HTR2C: variants seen among roughly 807,000 people sequenced by gnomAD.
HTR2C encodes the protein 5-hydroxytryptamine receptor 2C.
A neutral mutation model predicts 21.0 loss-of-function variants in HTR2C; 5 were observed. The observed-to-expected ratio is 0.24, with a 90% CI of 0.12 to 0.50. HTR2C has a LOEUF of 0.50. HTR2C is among the 20% of genes least tolerant of loss of function. HTR2C has a pLI of 0.98. For synonymous variants in HTR2C, 150 were observed against 145.3 expected (o/e 1.03, Z -0.23); for missense variants, 271 against 371.2 (o/e 0.73, Z 2.22).
chrX:114,766,127 AAG>A lies in HTR2C; in HGVS notation c.349+34523_349+34524del, dbSNP rs781804652. On this transcript the variant is annotated intron_variant, in intron 4 of 5. Coordinates refer to ENST00000276198, the MANE Select transcript of HTR2C (RefSeq NM_000868.4). Reference sequence around the variant, plus strand: ...TATGCAAAGAATTTGTGCCTGGAATAAGAGCTTGAACTAGATTTTTTTTGAGG... The same window carrying A: ...TATGCAAAGAATTTGTGCCTGGAATAAGCTTGAACTAGATTTTTTTTGAGG... 2.7e-5 allele frequency among the ~76,000 whole-genome samples: 3 copies of A among 111,855 alleles called. No individual in the cohort carries two copies. The South Asian group carries it at 1.1e-3, about 42-fold the overall frequency.
chrX:114,636,988 A>G (rs1556405336), intron 2 of HTR2C, among the ~76,000 whole-genome samples: 2 of 111,994 alleles, frequency 1.8e-5, no homozygotes, highest in African/African-American at 6.5e-5. Context: ...AGGGATTGGC[A>G]GGGAAACTGA....
intron 4 of HTR2C, among the ~76,000 whole-genome samples, chrX:114,803,769 T>G (rs782312649): frequency 1.5e-4 from 16 of 110,333 alleles, no homozygotes; most frequent in Admixed American, 6.9e-4. Context: ...GTCTTTTGTT[T>G]CCATTGCTTT....
At chrX:114,680,955 G>C (rs1931727212) in intron 2 of HTR2C, among the ~76,000 whole-genome samples, 1 of 111,330 alleles carries the variant, frequency 9.0e-6, no homozygotes, top group African/African-American at 3.3e-5. Context: ...GAAAAAGCCT[G>C]TCATTGCCTT....
intron 5 of HTR2C, among the ~76,000 whole-genome samples, chrX:114,880,030 C>T (rs2071168323): frequency 9.1e-6 from 1 of 110,387 alleles, no homozygotes; most frequent in African/African-American, 3.3e-5. Flanking sequence ...TTCTTCCTTT[C>T]CTGCCTTCGT....
chrX:114,749,663 C>T (rs1169573278), intron 4 of HTR2C, among the ~76,000 whole-genome samples: 1 of 108,903 alleles, frequency 9.2e-6, no homozygotes, highest in Non-Finnish European at 1.9e-5. Context: ...AGGAATTAAT[C>T]TCATTACAAC....
At chrX:114,706,325 T>G (rs1170198293) in intron 2 of HTR2C, among the ~76,000 whole-genome samples, 1 of 68,659 alleles carries the variant, frequency 1.5e-5, no homozygotes, top group African/African-American at 5.5e-5. Flanking sequence ...CCAACAATGA[T>G]AGACTGGATT....
At chrX:114,652,210 G>A (rs1361000860) in intron 2 of HTR2C, among the ~76,000 whole-genome samples, 1 of 111,667 alleles carries the variant, frequency 9.0e-6, no homozygotes, top group Non-Finnish European at 1.9e-5. Flanking sequence ...CTGTTAGAAT[G>A]ATTTTGTTTG....
intron 5 of HTR2C, among the ~76,000 whole-genome samples, chrX:114,873,800 A>G (rs1050886297): frequency 9.0e-6 from 1 of 111,664 alleles, no homozygotes; most frequent in Non-Finnish European, 1.9e-5. Flanking sequence ...TATATGTGTG[A>G]TGAGAACACT....
chrX:114,687,904 A>T lies in HTR2C; in HGVS notation c.-79-38954A>T, dbSNP rs1473055685. Among the ~76,000 whole-genome samples the T allele has an allele frequency of 2.7e-5, 3 of 112,202 alleles. No individual in the cohort carries two copies. In the East Asian group the frequency reaches 8.4e-4, roughly 31 times the overall value. On this transcript the variant is annotated intron_variant, in intron 2 of 5. Coordinates refer to ENST00000276198, the MANE Select transcript of HTR2C (RefSeq NM_000868.4). ...TTTCTGTAGAATGGTTATAAATATT[A>T]AAACGGTCATAAATGTTGAAACTTT...
At chrX:114,836,322 G>A (rs1348144224) in intron 4 of HTR2C, among the ~76,000 whole-genome samples, 1 of 112,040 alleles carries the variant, frequency 8.9e-6, no homozygotes, top group African/African-American at 3.2e-5. Context: ...CCGCCTTGCA[G>A]TTTGATCTCA....
At chrX:114,764,865 ATCTTTCTTTCTTTCTT>A (rs1234459517) in intron 4 of HTR2C, among the ~76,000 whole-genome samples, 572 of 45,294 alleles carry the variant, frequency 0.013, 4 homozygotes, top group African/African-American at 0.034. Flanking sequence ...CATGGAATCA[ATCTTTCTTTCTTTCTT>A]TCTTTCTTTC....
intron 2 of HTR2C, among the ~76,000 whole-genome samples, chrX:114,623,034 G>T (rs1929226027): frequency 1.8e-5 from 2 of 111,499 alleles, no homozygotes; most frequent in South Asian, 7.5e-4. Flanking sequence ...AAATTCAAAG[G>T]ACCTGTGATC....
intron 1 of HTR2C, among the ~76,000 whole-genome samples, chrX:114,588,378 G>A (rs922689839): frequency 1.1e-4 from 12 of 111,501 alleles, no homozygotes; most frequent in Non-Finnish European, 1.7e-4. Flanking sequence ...TACCTATTAA[G>A]AACTATGCAT....
chrX:114,775,767 C>A, intron 4 of HTR2C: 1 of 466,831 alleles, frequency 2.1e-6, no homozygotes. Flanking sequence ...TGAGTATAAC[C>A]ACCAATAGAG....
intron 4 of HTR2C, among the ~76,000 whole-genome samples, chrX:114,845,931 T>A (rs1312589557): frequency 9.1e-6 from 1 of 110,459 alleles, no homozygotes; most frequent in Non-Finnish European, 1.9e-5. Flanking sequence ...GAAGATTGCT[T>A]GAGCCCAGGA....
intron 2 of HTR2C, among the ~76,000 whole-genome samples, chrX:114,717,393 T>C (rs190398849): frequency 5.3e-4 from 60 of 112,312 alleles, no homozygotes; most frequent in Admixed American, 8.5e-4. Context: ...TTTAAAAAAA[T>C]TTAGTGTGAA....
chrX:114,702,378 A>T (rs1932559398), intron 2 of HTR2C, among the ~76,000 whole-genome samples: 1 of 109,853 alleles, frequency 9.1e-6, no homozygotes, highest in Non-Finnish European at 1.9e-5. Context: ...GAAACTCTAC[A>T]AGCCAGAAGA....
At chrX:114,860,962 C>T (rs782783551) in intron 5 of HTR2C, among the ~76,000 whole-genome samples, 7 of 111,429 alleles carry the variant, frequency 6.3e-5, no homozygotes, top group African/African-American at 2.3e-4. Context: ...TTATGAGATA[C>T]ATAGAGATAG....
At chrX:114,847,922 A>G in intron 4 of HTR2C, 81 bp from the exon 5 acceptor site, 3 of 741,128 alleles carry the variant, frequency 4.0e-6, no homozygotes, top group Non-Finnish European at 5.9e-6. Context: ...ATTATGAGAA[A>G]ATATAAGCAG....
Sources: allele counts gnomAD v4.1 joint callset (sites outside exome capture counted in the v4.1 genomes callset), GRCh38; gene constraint gnomAD v4.1.1; transcripts MANE v1.5; gene names NCBI Gene and HGNC (gene_info 2026-07-23, HGNC 2026-07-21).